Variants in NASP observed in about 807,000 individuals in gnomAD.
NASP encodes NASP histone chaperone.
A neutral mutation model predicts 89.5 loss-of-function variants in NASP; 24 were observed. The ratio of observed to expected loss-of-function variants is 0.27; its 90% CI spans 0.19 to 0.38. The LOEUF is 0.38. Ranked by LOEUF, NASP falls within the 10% of genes least tolerant of loss-of-function variation. The pLI, the probability that NASP is intolerant of heterozygous loss-of-function variation, is 1.00. For missense variants in NASP, 848 were observed against 921.4 expected (o/e 0.92, Z 1.03); for synonymous variants, 306 against 324.7 (o/e 0.94, Z 0.62).
intron 2 of NASP, among the ~76,000 whole-genome samples, chr1:45,597,691 C>T (rs933546638): frequency 3.9e-5 from 6 of 152,028 alleles, no homozygotes; most frequent in Non-Finnish European, 5.9e-5. Context: ...TACACAGAGG[C>T]TTTTTGGGGG....
In NASP at chr1:45,616,268, T is replaced by G. The variant is rs2356581; in HGVS notation, c.2023-69T>G. 3 of 1,359,672 alleles carry G rather than the reference T, an allele frequency of 2.2e-6. No homozygotes were observed. In the South Asian group the frequency reaches 3.5e-5, roughly 16 times the overall value. 84.2% of individuals were successfully genotyped at this position (1,359,672 alleles called of 1,614,324 possible). On this transcript the variant is annotated intron_variant, in intron 11 of 14. Coordinates refer to ENST00000350030, the MANE Select transcript of NASP (RefSeq NM_002482.4). The stretch of plus-strand genomic sequence containing the variant: ...GTCAGTTGTTTGGATGGTGATGGGT[T>G]CCTGTTACAAGGCTGTGGGCGGCCT...
At chr1:45,601,841 G>A (rs930555105) in intron 2 of NASP, among the ~76,000 whole-genome samples, 2 of 125,218 alleles carry the variant, frequency 1.6e-5, no homozygotes, top group Admixed American at 1.1e-4. Context: ...TGCAAGCTCC[G>A]CCTCCTGGGT....
intron 1 of NASP, among the ~76,000 whole-genome samples, chr1:45,586,000 C>G (rs1315814230): frequency 6.6e-6 from 1 of 152,148 alleles, no homozygotes; most frequent in Non-Finnish European, 1.5e-5. Flanking sequence ...TGCAGGTCCC[C>G]TGTGTCTAGC....
intron 9 of NASP, 64 bp from the exon 10 acceptor site, chr1:45,614,949 A>G: frequency 7.0e-7 from 1 of 1,424,808 alleles, no homozygotes; most frequent in Non-Finnish European, 9.6e-7. Flanking sequence ...GATGGGTCTG[A>G]ATTCTGGAAG....
At chr1:45,590,424 C>T (rs922039110) in intron 1 of NASP, among the ~76,000 whole-genome samples, 3 of 151,272 alleles carry the variant, frequency 2.0e-5, no homozygotes, top group Non-Finnish European at 2.9e-5. Context: ...GGTGCACAGG[C>T]ACCGGCCTGG....
At chr1:45,606,446 C>T (rs970763261) in intron 4 of NASP, 36 bp from the exon 5 acceptor site, 2 of 1,487,618 alleles carry the variant, frequency 1.3e-6, no homozygotes, top group Non-Finnish European at 1.9e-6. Flanking sequence ...TAGGTTCTAG[C>T]CATCAAACCT....
intron 6 of NASP, chr1:45,610,756 T>C (rs1024647392): frequency 6.6e-6 from 1 of 152,262 alleles, no homozygotes; most frequent in Non-Finnish European, 1.5e-5. Context: ...TGTATCACCA[T>C]GCCCAGCTGG....
At chr1:45,586,398 G>A (rs1644550774) in intron 1 of NASP, among the ~76,000 whole-genome samples, 1 of 151,396 alleles carries the variant, frequency 6.6e-6, no homozygotes, top group Non-Finnish European at 1.5e-5. Context: ...TGATTGTCCG[G>A]CCTCAGCCTC....
chr1:45,604,785 G>A (rs937681838), intron 3 of NASP, 151 bp from the exon 4 acceptor site: 15 of 598,582 alleles, frequency 2.5e-5, no homozygotes, highest in Non-Finnish European at 3.8e-5. Context: ...TTCATGCATT[G>A]TTTAATGTCA....
At chr1:45,591,514 TC>T (rs1643548295) in intron 2 of NASP, among the ~76,000 whole-genome samples, 2 of 151,964 alleles carry the variant, frequency 1.3e-5, no homozygotes, top group South Asian at 4.2e-4. Context: ...CCACTACACT[TC>T]GCTCATTTTT....
intron 1 of NASP, among the ~76,000 whole-genome samples, chr1:45,590,217 C>T (rs540529276): frequency 1.3e-4 from 20 of 152,212 alleles, no homozygotes; most frequent in South Asian, 4.1e-4. Flanking sequence ...ACCCTCTTTT[C>T]TATTTGTCTA....
chr1:45,590,580 A>T (rs1371600442), intron 1 of NASP, among the ~76,000 whole-genome samples: 4 of 150,024 alleles, frequency 2.7e-5, no homozygotes, highest in Non-Finnish European at 5.9e-5. Flanking sequence ...AAAGAAATTT[A>T]TCACTGATAA....
intron 2 of NASP, among the ~76,000 whole-genome samples, chr1:45,601,664 C>G (rs937022942): frequency 2.1e-5 from 3 of 146,088 alleles, no homozygotes; most frequent in Admixed American, 6.9e-5. Context: ...TTTATGATAC[C>G]TTTTTTATTT....
Position 45,605,402 on chromosome 1 carries a change from A to G in NASP, c.299+386A>G, listed in dbSNP as rs539150421. 9.2e-5 allele frequency among the ~76,000 whole-genome samples: 14 copies of G among 152,280 alleles called. No homozygotes were observed. The East Asian group carries it at 2.1e-3, about 23-fold the overall frequency. ...GTTCTATCAGAATTTATTAATCAGAATAAGTTCTGTTTAGGGTATACAAAC... is the reference window on the plus strand; with the variant it reads ...GTTCTATCAGAATTTATTAATCAGAGTAAGTTCTGTTTAGGGTATACAAAC... On this transcript the variant is annotated intron_variant, in intron 4 of 14. Transcript: ENST00000350030.
intron 1 of NASP, chr1:45,588,913 ACTCCGT>A (rs1451447795): frequency 3.3e-5 from 6 of 180,100 alleles, no homozygotes; most frequent in African/African-American, 7.2e-5. Context: ...ACAGTGCGAG[ACTCCGT>A]CTCAAAAACA....
chr1:45,599,081 G>A lies in NASP; in HGVS notation c.108-3174G>A, dbSNP rs151169362. 5.8e-4 allele frequency among the ~76,000 whole-genome samples: 88 copies of A among 151,898 alleles called. No homozygotes were observed. In the East Asian group the frequency reaches 0.013, roughly 23 times the overall value. On this transcript the variant is annotated intron_variant, in intron 2 of 14. Coordinates refer to ENST00000350030, the MANE Select transcript of NASP (RefSeq NM_002482.4). ...CTCAGGTTCCTGTCTAGATTTTTAC[G>A]GTTTCTTTCCTTTTTTTTTAAATAG... is the stretch of plus-strand genomic sequence containing the variant.
rs548074193 is a variant in NASP at position 45,586,589 on chromosome 1, A to G, written c.59+2384A>G. Among the ~76,000 whole-genome samples, 6 of 152,144 alleles carry G rather than the reference A, an allele frequency of 3.9e-5. No homozygotes were observed. The South Asian group carries it at 1.2e-3, about 32-fold the overall frequency. On this transcript the variant is annotated intron_variant, in intron 1 of 14. Coordinates refer to ENST00000350030, the MANE Select transcript of NASP (RefSeq NM_002482.4). ...CCGGCGTGAGCCACCAAGCCTGGCT[A>G]GTATTTTCATTTTCATTTTCATTCT...
intron 1 of NASP, among the ~76,000 whole-genome samples, chr1:45,586,418 T>C (rs1256975539): frequency 1.3e-5 from 2 of 151,712 alleles, no homozygotes; most frequent in Non-Finnish European, 2.9e-5. Flanking sequence ...CCCGAGTAGC[T>C]GGGACTGCAG....
At chr1:45,604,737 G>GTA (rs1643888028) in intron 3 of NASP, among the ~76,000 whole-genome samples, 199 bp from the exon 4 acceptor site, 1 of 152,124 alleles carries the variant, frequency 6.6e-6, no homozygotes, top group African/African-American at 2.4e-5. Context: ...CACTTAGGAT[G>GTA]TATATATATT....
Sources: gnomAD v4.1 joint callset for allele counts (sites outside exome capture counted in the v4.1 genomes callset) on GRCh38, gnomAD v4.1.1 for gene constraint, MANE v1.5 for transcripts, NCBI Gene and HGNC (gene_info 2026-07-23, HGNC 2026-07-21) for gene names.